Variants in CUL1 observed in about 807,000 individuals in gnomAD.
The protein encoded by CUL1 is cullin-1.
CUL1 carries 24 observed loss-of-function variants against 118.0 expected under a neutral mutation model. That is an observed-to-expected ratio of 0.20 (90% CI 0.15 to 0.29). The LOEUF is 0.29. Ranked by LOEUF, CUL1 falls within the 10% of genes least tolerant of loss-of-function variation. The pLI is 1.00. For missense variants in CUL1, 361 were observed against 933.8 expected, an observed-to-expected ratio of 0.39 and a Z score of 7.99; for synonymous variants, 332 against 340.4, an observed-to-expected ratio of 0.98 and a Z score of 0.27.
chr7:148,750,564 C>T (rs1455867273), intron 2 of CUL1, among the ~76,000 whole-genome samples: 1 of 152,018 alleles, frequency 6.6e-6, no homozygotes. Flanking sequence ...GTTTTCTGTC[C>T]TTGTGATAGT....
intron 1 of CUL1, among the ~76,000 whole-genome samples, chr7:148,727,204 G>T (rs1392880427): frequency 6.6e-6 from 1 of 152,152 alleles, no homozygotes; most frequent in African/African-American, 2.4e-5. Flanking sequence ...TAAACACTGT[G>T]TTGGGGTATG....
At chr7:148,789,084 C>T (rs768821415) in intron 14 of CUL1, among the ~76,000 whole-genome samples, 5 of 152,138 alleles carry the variant, frequency 3.3e-5, no homozygotes, top group Non-Finnish European at 7.3e-5. Context: ...TTCAGTTCTC[C>T]AGGAGAGGCA....
At chr7:148,711,168 A>G (rs1798038212) in intron 1 of CUL1, among the ~76,000 whole-genome samples, 1 of 152,208 alleles carries the variant, frequency 6.6e-6, no homozygotes, top group Admixed American at 6.5e-5. Context: ...ACTGATTTAA[A>G]TGTACACTTC....
intron 9 of CUL1, among the ~76,000 whole-genome samples, chr7:148,776,361 G>A (rs975379719): frequency 9.4e-6 from 1 of 106,912 alleles, no homozygotes; most frequent in Non-Finnish European, 1.7e-5. Flanking sequence ...CTTTCACCCA[G>A]GCTGGAGTGC....
chr7:148,748,033 A>AT (rs963940826), intron 2 of CUL1, among the ~76,000 whole-genome samples: 1 of 152,252 alleles, frequency 6.6e-6, no homozygotes, highest in African/African-American at 2.4e-5. Flanking sequence ...GGCATGTCAT[A>AT]TTTTAAGGTA....
chr7:148,749,721 TC>T, intron 2 of CUL1, among the ~76,000 whole-genome samples: 1 of 152,132 alleles, frequency 6.6e-6, no homozygotes. Context: ...TTCAGAGTGT[TC>T]AAGTAAAATG....
chr7:148,710,041 G>A lies in CUL1; in HGVS notation c.-162+11012G>A, dbSNP rs1033411048. ...GGGAGATGTTGCAGTGAGCCGAGGTGGCACCATTTCACTCCAGCCTGAGTG... is the reference window on the plus strand; with the variant it reads ...GGGAGATGTTGCAGTGAGCCGAGGTAGCACCATTTCACTCCAGCCTGAGTG... On this transcript the variant is annotated intron_variant, in intron 1 of 21. Transcript: ENST00000325222. 3.9e-5 allele frequency among the ~76,000 whole-genome samples: 6 copies of A among 152,094 alleles called. No individual in the cohort carries two copies. The South Asian group carries it at 1.3e-3, about 32-fold the overall frequency.
chr7:148,731,708 C>G (rs990889886), intron 2 of CUL1, among the ~76,000 whole-genome samples: 1 of 152,110 alleles, frequency 6.6e-6, no homozygotes, highest in South Asian at 2.1e-4. Context: ...CCCCCGAGGC[C>G]CTGGCAACTA....
chr7:148,725,217 G>GCACACACA (rs1204605614), intron 1 of CUL1, among the ~76,000 whole-genome samples: 1 of 75,534 alleles, frequency 1.3e-5, no homozygotes, highest in African/African-American at 4.3e-5. Context: ...ACACACGCGC[G>GCACACACA]CGCTCACACA....
intron 1 of CUL1, among the ~76,000 whole-genome samples, chr7:148,700,252 T>C (rs1007642365): frequency 6.6e-6 from 1 of 152,342 alleles, no homozygotes; most frequent in Admixed American, 6.5e-5. Flanking sequence ...ATCACACTTT[T>C]TGGAATGCAC....
intron 9 of CUL1, among the ~76,000 whole-genome samples, chr7:148,770,677 A>G (rs750357245): frequency 2.0e-5 from 3 of 152,150 alleles, no homozygotes; most frequent in Non-Finnish European, 4.4e-5. Context: ...TCCATTCGCC[A>G]TCTCTGGGAA....
chr7:148,742,298 C>G (rs774934380), intron 2 of CUL1, among the ~76,000 whole-genome samples: 1 of 151,920 alleles, frequency 6.6e-6, no homozygotes, highest in Non-Finnish European at 1.5e-5. Flanking sequence ...GGGGAGGCCT[C>G]ACAATCATGG....
chr7:148,788,012 C>G (rs1169503142), intron 13 of CUL1, among the ~76,000 whole-genome samples: 3 of 152,218 alleles, frequency 2.0e-5, no homozygotes, highest in Non-Finnish European at 4.4e-5. Flanking sequence ...ATCAGGGTGC[C>G]AGCTGATTCG....
At chr7:148,727,321 C>T (rs184752877) in intron 1 of CUL1, among the ~76,000 whole-genome samples, 10 of 152,222 alleles carry the variant, frequency 6.6e-5, no homozygotes, top group South Asian at 2.1e-4. Context: ...TTAGAAGAAA[C>T]GAGATAGAAT....
At chr7:148,793,905 T>A (rs567338281) in intron 17 of CUL1, among the ~76,000 whole-genome samples, 18 of 152,298 alleles carry the variant, frequency 1.2e-4, no homozygotes, top group African/African-American at 4.3e-4. Flanking sequence ...CTCACCAACA[T>A]TTGTTATTTT....
At position 148,786,504 on chromosome 7, in the gene CUL1, T is replaced by G. The variant is rs1800818944; in HGVS notation, c.1299-47T>G. 9 of 1,463,284 alleles carry G rather than the reference T, an allele frequency of 6.2e-6. No homozygotes were observed. The Middle Eastern group carries it at 5.2e-4, about 85-fold the overall frequency. The allele number at this position is 1,463,284 out of a possible 1,614,324, so 90.6% of individuals were successfully genotyped here. A position where few individuals can be genotyped will look rare whatever the true frequency, so the allele number is the denominator to read the frequency against. On this transcript the variant is annotated intron_variant, in intron 11 of 21. Coordinates refer to ENST00000325222, the MANE Select transcript of CUL1 (RefSeq NM_003592.3). The stretch of plus-strand genomic sequence containing the variant: ...GCATTCTGGCTAAGTGGTGCTTGTT[T>G]AAACGTACTGATGTTTTAAAACATG...
At position 148,730,138 on chromosome 7, in the gene CUL1, A is replaced by G; in HGVS notation, c.16A>G (p.Ser6Gly). The change falls in exon 2 of 22, where the codon AGC (serine) becomes GGC (glycine). Residue 6 changes from serine (S) to glycine (G), a missense_variant. By Grantham distance (56) the Ser-to-Gly change is moderately conservative. This residue lies in a region of CUL1 where 22 missense variants were observed against 20.6 expected (regional missense o/e 1.07). Transcript: ENST00000325222. MSSTR[S>G]QNPHGLKQIG... ...ATCCCTCACAATGTCGTCAACCCGG[A>G]GCCAGAACCCCCACGGCCTGAAGCA... The G allele has an allele frequency of 1.2e-6, 2 of 1,613,772 alleles. No individual in the cohort carries two copies. The highest frequency in any genetic ancestry group is 1.7e-6 in the Non-Finnish European group (2 of 1,179,936).
In CUL1 at chr7:148,792,834, G is replaced by C. The variant is rs375022611; in HGVS notation, c.1899+16G>C. On this transcript the variant is annotated intron_variant, in intron 17 of 21. Transcript: ENST00000325222. ...AATTAAAATGGTATTCTCATCTCAG[G>C]CTCGTTGTTCTATCAGCTTGCCGTT... The C allele has an allele frequency of 8.8e-6, 14 of 1,586,356 alleles. No homozygotes were observed. The African/African-American group carries it at 1.2e-4, about 14-fold the overall frequency.
chr7:148,766,206 C>CTA (rs3059409), intron 7 of CUL1, among the ~76,000 whole-genome samples: 26,960 of 152,088 alleles, frequency 0.18, 2,566 homozygotes, highest in East Asian at 0.23. Flanking sequence ...TCATAGCTTA[C>CTA]TATGTCCTTT....
Sources: allele counts gnomAD v4.1 joint callset (sites outside exome capture counted in the v4.1 genomes callset), GRCh38; gene constraint gnomAD v4.1.1; regional missense constraint gnomAD v4.1.1; transcripts MANE v1.5; gene names NCBI Gene and HGNC (gene_info 2026-07-23, HGNC 2026-07-21).